The following DLG2 variants were observed in gnomAD, a reference collection of about 807,000 sequenced individuals.
DLG2 encodes disks large homolog 2.
Under a neutral mutation model 132.5 loss-of-function variants are expected in DLG2, and 45 were observed. The ratio of observed to expected loss-of-function variants is 0.34; its 90% confidence interval spans 0.27 to 0.44. The LOEUF (loss-of-function observed/expected upper bound fraction) is 0.44. DLG2 is among the 20% of genes least tolerant of loss of function. The probability of loss-of-function intolerance (pLI) is 1.00; values close to 1 mark genes in which losing one functional copy is unlikely to be tolerated. For missense variants in DLG2, 1,045 were observed against 1,196.9 expected (o/e 0.87, Z 1.87); for synonymous variants, 424 against 419.6 (o/e 1.01, Z -0.13).
chr11:84,948,013 A>G (rs2050440186), intron 6 of DLG2, among the ~76,000 whole-genome samples: 2 of 152,310 alleles, frequency 1.3e-5, no homozygotes, highest in Admixed American at 6.5e-5. Context: ...CATAAAATCA[A>G]TTGTCAGGTT....
chr11:85,606,456 G>C (rs2153253564), intron 2 of DLG2, among the ~76,000 whole-genome samples: 1 of 152,274 alleles, frequency 6.6e-6, no homozygotes, highest in South Asian at 2.1e-4. Flanking sequence ...GCACCAATCA[G>C]CACTTGGTAA....
At chr11:84,640,952 C>CAAAAAAAAAAAAAAAAAAA (rs34851864) in intron 6 of DLG2, among the ~76,000 whole-genome samples, 1 of 85,442 alleles carries the variant, frequency 1.2e-5, no homozygotes. Context: ...AACAAACAAA[C>CAAAAAAAAAAAAAAAAAAA]AAAAAAAAAA....
intron 6 of DLG2, among the ~76,000 whole-genome samples, chr11:84,751,031 A>T (rs2066043583): frequency 6.6e-6 from 1 of 152,178 alleles, no homozygotes; most frequent in South Asian, 2.1e-4. Context: ...CAGAGACAGC[A>T]TTAGAAAAAA....
intron 12 of DLG2, among the ~76,000 whole-genome samples, chr11:83,973,496 A>G (rs1271759501): frequency 3.3e-5 from 5 of 152,082 alleles, no homozygotes; most frequent in Non-Finnish European, 7.4e-5. Flanking sequence ...AGGGGACAGA[A>G]TTTTGAGAGT....
intron 6 of DLG2, chr11:84,720,500 G>T: frequency 3.0e-6 from 3 of 984,964 alleles, no homozygotes; most frequent in Non-Finnish European, 3.6e-6. Flanking sequence ...TTCGATCACT[G>T]CCCCCTGCAC....
chr11:84,103,488 T>G (rs923367200), intron 9 of DLG2, among the ~76,000 whole-genome samples: 2 of 152,052 alleles, frequency 1.3e-5, no homozygotes, highest in African/African-American at 4.8e-5. Flanking sequence ...AACTTCAAGG[T>G]GCCATGCTGG....
At chr11:84,845,489 T>C (rs2154015315) in intron 6 of DLG2, among the ~76,000 whole-genome samples, 1 of 152,130 alleles carries the variant, frequency 6.6e-6, no homozygotes, top group South Asian at 2.1e-4. Flanking sequence ...CTGAACAACT[T>C]TTCAGGATGA....
At chr11:84,513,752 C>A (rs2099263980) in intron 7 of DLG2, among the ~76,000 whole-genome samples, 1 of 151,650 alleles carries the variant, frequency 6.6e-6, no homozygotes, top group Admixed American at 6.6e-5. Context: ...TTGAAAAAAA[C>A]CATCCAGGAC....
At chr11:84,670,069 T>G (rs1229388458) in intron 6 of DLG2, among the ~76,000 whole-genome samples, 1 of 152,134 alleles carries the variant, frequency 6.6e-6, no homozygotes, top group Non-Finnish European at 1.5e-5. Flanking sequence ...ACATAAGGAC[T>G]GGATTTCAGA....
intron 11 of DLG2, among the ~76,000 whole-genome samples, chr11:84,010,476 A>AT: frequency 6.6e-6 from 1 of 151,722 alleles, no homozygotes; most frequent in East Asian, 1.9e-4. Flanking sequence ...ATTTAGTTTT[A>AT]TTTTTTGTAA....
At chr11:84,990,785 T>C (rs984735330) in intron 6 of DLG2, among the ~76,000 whole-genome samples, 1 of 151,972 alleles carries the variant, frequency 6.6e-6, no homozygotes, top group Non-Finnish European at 1.5e-5. Flanking sequence ...GAAAGTTCCA[T>C]GAAGAACTAA....
At chr11:83,460,914 G>A (rs2089800693) in intron 27 of DLG2, among the ~76,000 whole-genome samples, 2 of 151,610 alleles carry the variant, frequency 1.3e-5, no homozygotes, top group African/African-American at 4.9e-5. Flanking sequence ...AAACTGCTAA[G>A]GCACTGACAC....
intron 6 of DLG2, among the ~76,000 whole-genome samples, chr11:84,759,967 A>G (rs954486232): frequency 6.6e-6 from 1 of 152,204 alleles, no homozygotes; most frequent in African/African-American, 2.4e-5. Flanking sequence ...CCTAGAGTGC[A>G]GTACGTTTAT....
intron 6 of DLG2, among the ~76,000 whole-genome samples, chr11:84,839,248 T>G (rs958424216): frequency 6.6e-6 from 1 of 152,042 alleles, no homozygotes; most frequent in African/African-American, 2.4e-5. Flanking sequence ...TCACAATTGC[T>G]GCAAAGAGAA....
chr11:85,588,080 G>A (rs1353283814), intron 3 of DLG2, among the ~76,000 whole-genome samples: 1 of 152,138 alleles, frequency 6.6e-6, no homozygotes. Flanking sequence ...TAATCTGATA[G>A]GTTTTCCTTT....
At chr11:84,332,045 G>T (rs922338730) in intron 7 of DLG2, among the ~76,000 whole-genome samples, 3 of 151,986 alleles carry the variant, frequency 2.0e-5, no homozygotes, top group Admixed American at 2.0e-4. Flanking sequence ...CTCAGAATAT[G>T]TTCCTTTGGT....
chr11:85,463,662 T>C (rs2092687898), intron 3 of DLG2, among the ~76,000 whole-genome samples: 1 of 152,078 alleles, frequency 6.6e-6, no homozygotes, highest in Non-Finnish European at 1.5e-5. Flanking sequence ...TCCCAGCTAC[T>C]TCAGAGGCTA....
At chr11:83,522,636 T>C (rs1164804637) in intron 21 of DLG2, among the ~76,000 whole-genome samples, 1 of 152,188 alleles carries the variant, frequency 6.6e-6, no homozygotes, top group East Asian at 1.9e-4. Flanking sequence ...TTGAGTGCCA[T>C]GAACTATTTT....
intron 11 of DLG2, among the ~76,000 whole-genome samples, chr11:84,051,921 A>T (rs2096393475): frequency 6.6e-6 from 1 of 151,852 alleles, no homozygotes; most frequent in Non-Finnish European, 1.5e-5. Flanking sequence ...CAAAAGGAAA[A>T]AAAGGACGTC....
Sources: gnomAD v4.1 joint callset for allele counts (sites outside exome capture counted in the v4.1 genomes callset) on GRCh38, gnomAD v4.1.1 for gene constraint, MANE v1.5 for transcripts, NCBI Gene and HGNC (gene_info 2026-07-23, HGNC 2026-07-21) for gene names.